Variants in LY96 observed in about 807,000 individuals in gnomAD.
The protein encoded by LY96 is lymphocyte antigen 96.
Under a neutral mutation model 18.9 loss-of-function variants are expected in LY96, and 18 were observed. The ratio of observed to expected loss-of-function variants is 0.95; its 90% CI spans 0.66 to 1.41. The LOEUF (loss-of-function observed/expected upper bound fraction) is 1.41, where lower values mean the gene tolerates loss of function less well. LY96 is among the 40% of genes most tolerant of loss of function. LY96 has a pLI of 0.00. For missense variants in LY96, 175 were observed against 182.4 expected, an observed-to-expected ratio of 0.96 and a Z score of 0.23; for synonymous variants, 66 against 62.6, an observed-to-expected ratio of 1.06 and a Z score of -0.26.
the LY96 span, among the ~76,000 whole-genome samples, chr8:74,051,081 TG>T: frequency 6.6e-6 from 1 of 152,096 alleles, no homozygotes; most frequent in African/African-American, 2.4e-5. Context: ...GGAAAGAAGA[TG>T]GGGTTGTTCT....
chr8:74,018,836 C>T (rs1041493069), intron 3 of LY96, among the ~76,000 whole-genome samples: 5 of 152,042 alleles, frequency 3.3e-5, no homozygotes, highest in African/African-American at 9.7e-5. Flanking sequence ...GGGTACATAA[C>T]GAAATGAAGG....
At chr8:74,089,221 T>C in the LY96 span, among the ~76,000 whole-genome samples, 1 of 152,254 alleles carries the variant, frequency 6.6e-6, no homozygotes, top group Admixed American at 6.5e-5. Flanking sequence ...GAACTGTTTA[T>C]CTTTCGATGG....
chr8:74,013,869 C>G (rs895099493), intron 3 of LY96, among the ~76,000 whole-genome samples: 6 of 152,010 alleles, frequency 3.9e-5, no homozygotes, highest in African/African-American at 1.5e-4. Flanking sequence ...GTAACTCATG[C>G]GCAAAATATT....
the LY96 span, among the ~76,000 whole-genome samples, chr8:74,072,357 G>A: frequency 6.6e-6 from 1 of 152,048 alleles, no homozygotes; most frequent in Admixed American, 6.5e-5. Flanking sequence ...TATTTTATGG[G>A]CCATATCTGT....
chr8:74,004,353 A>C (rs1816363557), intron 1 of LY96, among the ~76,000 whole-genome samples: 1 of 152,150 alleles, frequency 6.6e-6, no homozygotes, highest in African/African-American at 2.4e-5. Flanking sequence ...CTCGTGAAAA[A>C]GTTGGTGTTC....
the LY96 span, among the ~76,000 whole-genome samples, chr8:74,035,133 A>G: frequency 1.3e-5 from 2 of 152,186 alleles, no homozygotes; most frequent in Admixed American, 6.5e-5. Context: ...TAAACCCAAG[A>G]TTACTGTACT....
At position 74,010,100 on chromosome 8, in the gene LY96, A is replaced by T; in HGVS notation, c.302A>T (p.Asp101Val). The T allele has an allele frequency of 6.2e-7, 1 of 1,613,388 alleles. No individual in the cohort carries two copies. Among genetic ancestry groups the T allele is most frequent in the South Asian group, 1.1e-5 (1 of 91,062 alleles). The change falls in exon 3 of 5, where the codon GAT becomes GTT. Residue 101 changes from aspartate to valine, a missense_variant. Asp to Val is a radical substitution (Grantham distance 152). Transcript: ENST00000284818. ...GTTATTTGCCGAGGATCTGATGACG[A>T]TTACTCTTTTTGCAGAGCTCTGAAG... is the stretch of plus-strand genomic sequence containing the variant. The part of the protein sequence containing the change: ...KEVICRGSDD[D>V]YSFCRALKGE...
chr8:74,029,637 G>A (rs1816937445), downstream of LY96, among the ~76,000 whole-genome samples: 4 of 152,118 alleles, frequency 2.6e-5, no homozygotes, highest in Admixed American at 2.6e-4. Context: ...GCAGAGCCGT[G>A]AGTCAGTTAA....
At chr8:74,007,829 G>A (rs760227362) in intron 2 of LY96, among the ~76,000 whole-genome samples, 4 of 152,038 alleles carry the variant, frequency 2.6e-5, no homozygotes, top group Admixed American at 6.6e-5. Context: ...GCGTGATCTC[G>A]GCGCACTGCA....
chr8:74,097,519 C>A, the LY96 span, among the ~76,000 whole-genome samples: 2 of 151,998 alleles, frequency 1.3e-5, no homozygotes, highest in Non-Finnish European at 2.9e-5. Flanking sequence ...ACCAGCCTGG[C>A]CAACATGGTG....
At chr8:74,034,114 T>G in the LY96 span, among the ~76,000 whole-genome samples, 3,195 of 152,328 alleles carry the variant, frequency 0.021, 123 homozygotes, top group Admixed American at 0.078. Context: ...GGCTCACACC[T>G]GTAATCCCAG....
At chr8:74,066,366 A>G in the LY96 span, among the ~76,000 whole-genome samples, 1 of 151,954 alleles carries the variant, frequency 6.6e-6, no homozygotes. Context: ...TTTCAACATG[A>G]ATTTTGGAGG....
intron 3 of LY96, among the ~76,000 whole-genome samples, chr8:74,013,099 G>C (rs1186107077): frequency 1.3e-5 from 2 of 151,886 alleles, no homozygotes; most frequent in Non-Finnish European, 2.9e-5. Flanking sequence ...AAGGACTACA[G>C]GCACAGATCA....
At chr8:74,083,700 C>A in the LY96 span, among the ~76,000 whole-genome samples, 1 of 151,754 alleles carries the variant, frequency 6.6e-6, no homozygotes, top group Non-Finnish European at 1.5e-5. Flanking sequence ...TCTTTTCTTT[C>A]TTTTTTTTGA....
intron 1 of LY96, among the ~76,000 whole-genome samples, chr8:74,002,006 TCTTCCTTCCTTC>T (rs1222416498): frequency 0.13 from 3,221 of 24,018 alleles, 454 homozygotes; most frequent in Non-Finnish European, 0.16. Flanking sequence ...TTTCTTCCTT[TCTTCCTTCCTTC>T]CTTCCTTCCT....
intron 3 of LY96, among the ~76,000 whole-genome samples, chr8:74,017,689 T>G (rs958650547): frequency 6.6e-6 from 1 of 152,214 alleles, no homozygotes; most frequent in Non-Finnish European, 1.5e-5. Context: ...CCCATCAGAC[T>G]AACAGTGGAT....
At chr8:74,003,686 G>T (rs535570491) in intron 1 of LY96, among the ~76,000 whole-genome samples, 1 of 152,260 alleles carries the variant, frequency 6.6e-6, no homozygotes, top group East Asian at 1.9e-4. Context: ...TCCCTATGTT[G>T]AGGGAGTGCT....
At chr8:74,063,442 T>C in the LY96 span, among the ~76,000 whole-genome samples, 11,299 of 152,174 alleles carry the variant, frequency 0.074, 662 homozygotes, top group African/African-American at 0.17. Context: ...TGATGATCCC[T>C]TTGTGTTTAA....
chr8:74,070,731 C>CT, the LY96 span, among the ~76,000 whole-genome samples: 1 of 150,022 alleles, frequency 6.7e-6, no homozygotes, highest in African/African-American at 2.5e-5. Flanking sequence ...ATGAGCCTTG[C>CT]TTTTTTAAAA....
Sources: gnomAD v4.1 joint callset for allele counts (sites outside exome capture counted in the v4.1 genomes callset) on GRCh38, gnomAD v4.1.1 for gene constraint, MANE v1.5 for transcripts, NCBI Gene and HGNC (gene_info 2026-07-23, HGNC 2026-07-21) for gene names.